Variants in LARS2 observed in about 807,000 individuals in gnomAD.
LARS2 encodes the protein leucyl-tRNA synthetase 2, mitochondrial.
Under a neutral mutation model 116.6 loss-of-function variants are expected in LARS2, and 81 were observed. That is an observed-to-expected ratio of 0.69 (90% CI 0.58 to 0.84). LARS2 has a LOEUF of 0.84. Among genes scored for constraint, LARS2 ranks in the 40% least tolerant of loss-of-function variants. The probability of loss-of-function intolerance (pLI) is 0.00; values close to 1 mark genes in which losing one functional copy is unlikely to be tolerated. For missense variants in LARS2, 968 were observed against 1,114.5 expected, an observed-to-expected ratio of 0.87 and a Z score of 1.87; for synonymous variants, 396 against 407.2, an observed-to-expected ratio of 0.97 and a Z score of 0.33.
chr3:45,530,898 A>G (rs1247359246), intron 20 of LARS2, among the ~76,000 whole-genome samples: 1 of 152,180 alleles, frequency 6.6e-6, no homozygotes, highest in African/African-American at 2.4e-5. Context: ...ATAATTTGTT[A>G]AGTTTCCCCA....
intron 8 of LARS2, among the ~76,000 whole-genome samples, chr3:45,462,677 G>A (rs1036956276): frequency 5.9e-5 from 9 of 152,172 alleles, no homozygotes; most frequent in African/African-American, 2.2e-4. Flanking sequence ...AGTAAGCTGT[G>A]CCCGCACAGT....
In LARS2 at chr3:45,408,843, C is replaced by T. The variant is rs1156821955; in HGVS notation, c.363+8470C>T. On this transcript the variant is annotated intron_variant, in intron 4 of 21. Coordinates refer to ENST00000645846, the MANE Select transcript of LARS2 (RefSeq NM_015340.4). Reference sequence around the variant, plus strand: ...TTAAACATATAGAGTATTAGTTAAACGAACCAGGTGGAAATGATGGTTTTT... The same window carrying T: ...TTAAACATATAGAGTATTAGTTAAATGAACCAGGTGGAAATGATGGTTTTT... Among the ~76,000 whole-genome samples the T allele has an allele frequency of 4.6e-5, 7 of 152,182 alleles. No individual in the cohort carries two copies. The East Asian group carries it at 1.2e-3, about 25-fold the overall frequency.
In LARS2 at chr3:45,427,825, C is replaced by CTTT. The variant is rs11456888; in HGVS notation, c.516+8107_516+8109dup. On this transcript the variant is annotated intron_variant, in intron 6 of 21. Coordinates refer to ENST00000645846, the MANE Select transcript of LARS2 (RefSeq NM_015340.4). Reference sequence around the variant, plus strand: ...TTACTGCCTTGTTTTCCTTTTTTTTCTTTTTTTTTTTTTGAGGCGGAGTTT... The same window carrying CTTT: ...TTACTGCCTTGTTTTCCTTTTTTTTCTTTTTTTTTTTTTTTTGAGGCGGAGTTT... Among the ~76,000 whole-genome samples the CTTT allele has an allele frequency of 2.3e-4, 32 of 141,772 alleles. 1 individual carries two copies. Among genetic ancestry groups the CTTT allele is most frequent in the Admixed American group, 4.9e-4 (7 of 14,228 alleles). 93.0% of individuals were successfully genotyped at this position (141,772 alleles called of 152,430 possible).
At chr3:45,450,941 A>G (rs557503724) in intron 7 of LARS2, among the ~76,000 whole-genome samples, 22 of 152,222 alleles carry the variant, frequency 1.4e-4, no homozygotes, top group Middle Eastern at 3.4e-3. Context: ...ATGATTAATG[A>G]TGTTAAACAT....
chr3:45,548,764 C>T lies in LARS2; in HGVS notation c.*1234C>T, dbSNP rs1700909306. ...TGATGCCATTTTTCTGAAGTAGCCT[C>T]ACATGTGGTCCCCCTGCAGTTCAGC... is the stretch of plus-strand genomic sequence containing the variant. On this transcript the variant is annotated 3_prime_UTR_variant, in exon 22 of 22. Coordinates refer to ENST00000645846, the MANE Select transcript of LARS2 (RefSeq NM_015340.4). 6.6e-6 allele frequency: 1 copy of T among 152,224 alleles called. No homozygotes were observed. The highest frequency in any genetic ancestry group is 1.9e-4 in the East Asian group (1 of 5,206). The allele number at this position is 152,224 out of a possible 1,614,324, so 9.4% of individuals were successfully genotyped here.
chr3:45,541,895 C>T lies in LARS2; in HGVS notation c.2471C>T (p.Ala824Val), dbSNP rs1433745435. Residue 824 changes from alanine to valine, a missense_variant, in exon 21 of 22, where the codon GCA becomes GTA. By Grantham distance (64) the Ala-to-Val change is moderately conservative. Coordinates refer to ENST00000645846, the MANE Select transcript of LARS2 (RefSeq NM_015340.4). Reference protein sequence around the residue: ...YTWDASVLLQAWPAVDPEFLQ... With the variant: ...YTWDASVLLQVWPAVDPEFLQ... Reference sequence around the variant, plus strand: ...TGGGATGCCAGTGTGCTGCTCCAGGCATGGCCTGCTGTGGACCCGGAGTTC... The same window carrying T: ...TGGGATGCCAGTGTGCTGCTCCAGGTATGGCCTGCTGTGGACCCGGAGTTC... 4 of 1,614,144 alleles carry T rather than the reference C, an allele frequency of 2.5e-6. No individual in the cohort carries two copies. The highest frequency in any genetic ancestry group is 2.5e-6 in the Non-Finnish European group (3 of 1,180,046).
In LARS2 at chr3:45,530,938, G is replaced by A. The variant is rs148506200; in HGVS notation, c.2404+6830G>A. ...CACCATGACATTTCAATTGAAATGT[G>A]GTTAAACTTAGAATTAATTCAGGAA... On this transcript the variant is annotated intron_variant, in intron 20 of 21. Transcript: ENST00000645846. Among the ~76,000 whole-genome samples, 331 of 152,206 alleles carry A rather than the reference G, an allele frequency of 2.2e-3. 1 individual carries two copies. Among genetic ancestry groups the A allele is most frequent in the Non-Finnish European group, 3.0e-3 (207 of 68,018 alleles).
chr3:45,541,650 A>G lies in LARS2; in HGVS notation c.2405-179A>G, dbSNP rs1700797823. ...ATTTGTGAAAAACAAAAGCTACCCA[A>G]CAACCTGGGATTATAAACCAGGCCA... On this transcript the variant is annotated intron_variant, in intron 20 of 21. Transcript: ENST00000645846. 27 of 642,660 alleles carry G rather than the reference A, an allele frequency of 4.2e-5. No homozygotes were observed. The South Asian group carries it at 6.3e-4, about 15-fold the overall frequency. 39.8% of individuals were successfully genotyped at this position (642,660 alleles called of 1,614,324 possible). A position where few individuals can be genotyped will look rare whatever the true frequency, so the allele number is the denominator to read the frequency against.
At chr3:45,540,021 A>G (rs1429155510) in intron 20 of LARS2, among the ~76,000 whole-genome samples, 2 of 152,182 alleles carry the variant, frequency 1.3e-5, no homozygotes, top group African/African-American at 2.4e-5. Flanking sequence ...CTGTAATCCC[A>G]GTGCTTCGGG....
intron 7 of LARS2, among the ~76,000 whole-genome samples, chr3:45,453,047 G>A (rs1394570006): frequency 2.0e-5 from 3 of 151,934 alleles, no homozygotes. Context: ...TATTTATTTG[G>A]CTCTTTTCTT....
intron 12 of LARS2, 52 bp from the exon 13 acceptor site, chr3:45,491,465 G>A (rs1220078130): frequency 1.6e-5 from 25 of 1,565,376 alleles, no homozygotes; most frequent in Non-Finnish European, 2.2e-5. Flanking sequence ...GCATCAGGGT[G>A]GTGACTGGTG....
At chr3:45,498,603 C>G (rs934188877) in intron 14 of LARS2, among the ~76,000 whole-genome samples, 4 of 152,170 alleles carry the variant, frequency 2.6e-5, no homozygotes, top group Non-Finnish European at 5.9e-5. Context: ...TGAAGCCAGC[C>G]AAGTCTATCC....
chr3:45,500,651 C>T, intron 15 of LARS2, 72 bp downstream of exon 15: 1 of 1,200,798 alleles, frequency 8.3e-7, no homozygotes, highest in Non-Finnish European at 1.2e-6. Flanking sequence ...GTCAGTTCTT[C>T]TGAAGCAAGG....
intron 20 of LARS2, among the ~76,000 whole-genome samples, chr3:45,527,223 A>T (rs899648677): frequency 6.6e-6 from 1 of 152,154 alleles, no homozygotes; most frequent in African/African-American, 2.4e-5. Context: ...TATATAATGA[A>T]TTTGGGCTTT....
chr3:45,542,076 T>G (rs972330035), intron 21 of LARS2, 120 bp downstream of exon 21: 5 of 1,283,268 alleles, frequency 3.9e-6, no homozygotes, highest in Non-Finnish European at 5.4e-6. Flanking sequence ...AGCTCAGCCC[T>G]CAGCCACACC....
chr3:45,423,024 T>G (rs1575243833), intron 6 of LARS2, among the ~76,000 whole-genome samples: 2 of 152,248 alleles, frequency 1.3e-5, no homozygotes, highest in East Asian at 3.8e-4. Context: ...TTTAGACTTC[T>G]ATTTTTAATG....
intron 4 of LARS2, among the ~76,000 whole-genome samples, chr3:45,408,527 C>T (rs1251283839): frequency 6.6e-6 from 1 of 152,240 alleles, no homozygotes; most frequent in Non-Finnish European, 1.5e-5. Flanking sequence ...GGTTCCCAAG[C>T]TGGCCCCCTC....
chr3:45,430,272 A>ATTT (rs58555987), intron 6 of LARS2, among the ~76,000 whole-genome samples: 47 of 96,798 alleles, frequency 4.9e-4, no homozygotes, highest in African/African-American at 1.4e-3. Flanking sequence ...GCACCCGGCC[A>ATTT]TTTTTTTTTT....
chr3:45,419,609 A>G, intron 5 of LARS2, 60 bp from the exon 6 acceptor site: 1 of 805,452 alleles, frequency 1.2e-6, no homozygotes, highest in Non-Finnish European at 2.0e-6. Context: ...CTCAAAGTGT[A>G]GTTGTGTATG....
Sources: allele counts gnomAD v4.1 joint callset (sites outside exome capture counted in the v4.1 genomes callset), GRCh38; gene constraint gnomAD v4.1.1; transcripts MANE v1.5; gene names NCBI Gene and HGNC (gene_info 2026-07-23, HGNC 2026-07-21).